The following EFHC2 variants were observed in gnomAD, a reference collection of about 807,000 sequenced individuals.
EFHC2 encodes the protein EF-hand domain-containing family member C2.
EFHC2 carries 18 observed loss-of-function variants against 52.7 expected under a neutral mutation model. That is an observed-to-expected ratio of 0.34 (90% CI 0.24 to 0.51). The LOEUF (loss-of-function observed/expected upper bound fraction) is 0.51, where lower values mean the gene tolerates loss of function less well. EFHC2 is among the 20% of genes least tolerant of loss of function. The pLI, the probability that EFHC2 is intolerant of heterozygous loss-of-function variation, is 0.97. For synonymous variants in EFHC2, 203 were observed against 204.1 expected, an observed-to-expected ratio of 0.99 and a Z score of 0.04; for missense variants, 513 against 562.5, an observed-to-expected ratio of 0.91 and a Z score of 0.89.
At position 44,229,676 on chromosome X, in the gene EFHC2, G is replaced by A. The variant is rs1048462110; in HGVS notation, c.1724C>T (p.Thr575Ile). 1.6e-5 allele frequency: 19 copies of A among 1,211,165 alleles called. No homozygotes were observed. The highest frequency in any genetic ancestry group is 2.1e-5 in the Non-Finnish European group (19 of 895,110). The change falls in exon 11 of 15, where the codon ACA (threonine) becomes ATA (isoleucine). Residue 575 changes from threonine (T) to isoleucine (I), a missense_variant. Thr to Ile is a moderately conservative substitution (Grantham distance 89). Coordinates refer to ENST00000420999, the MANE Select transcript of EFHC2 (RefSeq NM_025184.4). ...QVFKAADSKH[T>I]NMVDYNTFRD... ...GAATGTATTATAATCCACCATATTTGTGTGCTTAGAGTCAGCAGCTTTAAA... is the reference window on the plus strand; with the variant it reads ...GAATGTATTATAATCCACCATATTTATGTGCTTAGAGTCAGCAGCTTTAAA...
At position 44,328,841 on chromosome X, in the gene EFHC2, A is replaced by G. The variant is rs1055754534; in HGVS notation, c.42+14706T>C. Among the ~76,000 whole-genome samples the G allele has an allele frequency of 9.9e-5, 11 of 111,383 alleles. No homozygotes were observed. In the Admixed American group the frequency reaches 1.1e-3, roughly 11 times the overall value. On this transcript the variant is annotated intron_variant, in intron 1 of 14. Transcript: ENST00000420999. ...ATTGCTGGGCCACTACTTCATTTAC[A>G]TAGGGTCTACGTCAAGTAACCAATG... is the stretch of plus-strand genomic sequence containing the variant.
At chrX:44,228,290 C>A (rs2037248046) in intron 11 of EFHC2, among the ~76,000 whole-genome samples, 1 of 111,818 alleles carries the variant, frequency 8.9e-6, no homozygotes, top group African/African-American at 3.3e-5. Flanking sequence ...GCCTGCCTGG[C>A]CTAAGTGCTT....
At position 44,242,311 on chromosome X, in the gene EFHC2, CA is replaced by C. The variant is rs750569079; in HGVS notation, c.1112-23del. On this transcript the variant is annotated intron_variant, in intron 7 of 14. Coordinates refer to ENST00000420999, the MANE Select transcript of EFHC2 (RefSeq NM_025184.4). ...TTCTCTAGAACAAAACAAAGGCAAACAAAACATCAATATTTTTTTTGCCCTG... is the reference window on the plus strand; with the variant it reads ...TTCTCTAGAACAAAACAAAGGCAAACAAACATCAATATTTTTTTTGCCCTG... 6 of 1,189,049 alleles carry C rather than the reference CA, an allele frequency of 5.0e-6. No individual in the cohort carries two copies. In the African/African-American group the frequency reaches 1.1e-4, roughly 21 times the overall value.
intron 1 of EFHC2, among the ~76,000 whole-genome samples, chrX:44,336,702 GA>G (rs1431113998): frequency 2.7e-5 from 3 of 112,097 alleles, no homozygotes; most frequent in African/African-American, 9.7e-5. Context: ...GAAAAGGCCA[GA>G]AATCTTCTCA....
chrX:44,315,682 A>G (rs1168475952), intron 1 of EFHC2, among the ~76,000 whole-genome samples: 1 of 110,224 alleles, frequency 9.1e-6, no homozygotes, highest in Non-Finnish European at 1.9e-5. Context: ...AGTAGTGTTG[A>G]GGTTCTGTGG....
chrX:44,168,309 G>C (rs2036713761), intron 13 of EFHC2, among the ~76,000 whole-genome samples: 1 of 111,733 alleles, frequency 8.9e-6, no homozygotes, highest in African/African-American at 3.3e-5. Flanking sequence ...GAGGTGGGCG[G>C]ATCACGAGGT....
intron 14 of EFHC2, among the ~76,000 whole-genome samples, chrX:44,150,769 AG>A (rs1201788389): frequency 9.0e-6 from 1 of 111,661 alleles, no homozygotes; most frequent in Non-Finnish European, 1.9e-5. Context: ...TGGTGACAAA[AG>A]AAAGGTGTAG....
intron 1 of EFHC2, among the ~76,000 whole-genome samples, chrX:44,316,461 G>A (rs1182202215): frequency 1.8e-5 from 2 of 112,144 alleles, no homozygotes; most frequent in Non-Finnish European, 3.8e-5. Context: ...TTTCATACAT[G>A]TGGCACCAAA....
At position 44,251,217 on chromosome X, in the gene EFHC2, C is replaced by T. The variant is rs1415085683; in HGVS notation, c.607-772G>A. On this transcript the variant is annotated intron_variant, in intron 4 of 14. Transcript: ENST00000420999. ...TCGCGCCACTGCACTCCAGCCCGGG[C>T]GACAGAGTGAGACTCCATCTCAAAA... is the stretch of plus-strand genomic sequence containing the variant. Among the ~76,000 whole-genome samples the T allele has an allele frequency of 1.1e-4, 8 of 73,095 alleles. No individual in the cohort carries two copies. The Admixed American group carries it at 1.1e-3, about 10-fold the overall frequency. The allele number at this position is 73,095 out of a possible 115,157, so 63.5% of individuals were successfully genotyped here.
Position 44,248,482 on chromosome X carries a change from A to T in EFHC2, c.973-72T>A. The stretch of plus-strand genomic sequence containing the variant: ...AGAACCAGGAACCCCTTCCCAGAGA[A>T]AAAAAGGAAATTAAAAATAAAACTT... On this transcript the variant is annotated intron_variant, in intron 6 of 14. Coordinates refer to ENST00000420999, the MANE Select transcript of EFHC2 (RefSeq NM_025184.4). 9.4e-7 allele frequency: 1 copy of T among 1,067,910 alleles called. No individual in the cohort carries two copies. Among genetic ancestry groups the T allele is most frequent in the African/African-American group, 1.9e-5 (1 of 52,884 alleles). 88.0% of individuals were successfully genotyped at this position (1,067,910 alleles called of 1,213,427 possible).
intron 11 of EFHC2, among the ~76,000 whole-genome samples, chrX:44,192,763 C>G (rs1421811796): frequency 9.0e-6 from 1 of 111,112 alleles, no homozygotes; most frequent in East Asian, 2.8e-4. Flanking sequence ...ATTAGTGCCT[C>G]TAATTTTTAA....
chrX:44,278,013 G>C (rs1249518964), intron 2 of EFHC2, among the ~76,000 whole-genome samples: 1 of 111,949 alleles, frequency 8.9e-6, no homozygotes, highest in East Asian at 2.8e-4. Flanking sequence ...GAGTCTGAGA[G>C]AGAGGATAAA....
intron 8 of EFHC2, among the ~76,000 whole-genome samples, chrX:44,237,368 C>G (rs1176796332): frequency 4.5e-5 from 5 of 111,859 alleles, no homozygotes; most frequent in Admixed American, 2.8e-4. Context: ...AGCTGACCAC[C>G]TACTTATACC....
intron 1 of EFHC2, among the ~76,000 whole-genome samples, chrX:44,333,723 A>G (rs2038101755): frequency 9.0e-6 from 1 of 110,937 alleles, no homozygotes; most frequent in African/African-American, 3.3e-5. Flanking sequence ...GAAAAAAAAA[A>G]CAAGATAATT....
intron 14 of EFHC2, among the ~76,000 whole-genome samples, chrX:44,162,867 A>G (rs1421637115): frequency 9.0e-6 from 1 of 110,992 alleles, no homozygotes; most frequent in Non-Finnish European, 1.9e-5. Flanking sequence ...CAATTCCCCC[A>G]TCAGTAGTGG....
At chrX:44,277,916 T>C (rs1409055405) in intron 2 of EFHC2, among the ~76,000 whole-genome samples, 1 of 110,595 alleles carries the variant, frequency 9.0e-6, no homozygotes, top group African/African-American at 3.3e-5. Context: ...TATAATAAAA[T>C]ATAAGGCCAT....
At chrX:44,335,103 G>GA (rs1412469282) in intron 1 of EFHC2, among the ~76,000 whole-genome samples, 1 of 109,742 alleles carries the variant, frequency 9.1e-6, no homozygotes, top group Non-Finnish European at 1.9e-5. Context: ...CTGTTAAAAT[G>GA]AAAAAAGGAA....
intron 14 of EFHC2, among the ~76,000 whole-genome samples, chrX:44,153,183 C>G (rs2036583146): frequency 1.8e-5 from 2 of 111,890 alleles, no homozygotes; most frequent in Admixed American, 9.5e-5. Context: ...CTTGACAACT[C>G]AAGAATCTGG....
chrX:44,232,160 T>C (rs1416040908), intron 10 of EFHC2, among the ~76,000 whole-genome samples: 1 of 112,568 alleles, frequency 8.9e-6, no homozygotes, highest in Admixed American at 9.4e-5. Flanking sequence ...CCTATAGTTG[T>C]TGAATTTCTT....
Sources: allele counts gnomAD v4.1 joint callset (sites outside exome capture counted in the v4.1 genomes callset), GRCh38; gene constraint gnomAD v4.1.1; transcripts MANE v1.5; gene names NCBI Gene and HGNC (gene_info 2026-07-23, HGNC 2026-07-21).